The following SNX24 variants were observed in gnomAD, a reference collection of about 807,000 sequenced individuals.
SNX24 encodes sorting nexin-24.
Under a neutral mutation model 28.7 loss-of-function variants are expected in SNX24, and 22 were observed. The ratio of observed to expected loss-of-function variants is 0.77; its 90% CI spans 0.55 to 1.10. The LOEUF (loss-of-function observed/expected upper bound fraction) is 1.10, where lower values mean the gene tolerates loss of function less well. Ranked by LOEUF, SNX24 falls within the 50% of genes least tolerant of loss-of-function variation. SNX24 has a pLI of 0.00. For synonymous variants in SNX24, 69 were observed against 71.5 expected (o/e 0.96, Z 0.18); for missense variants, 221 against 201.1 (o/e 1.10, Z -0.60).
chr5:122,908,169 A>T (rs1757729413), intron 1 of SNX24, among the ~76,000 whole-genome samples: 1 of 152,234 alleles, frequency 6.6e-6, no homozygotes, highest in Non-Finnish European at 1.5e-5. Flanking sequence ...CGGGGAGCAA[A>T]ATGTCATCAC....
chr5:122,856,525 C>CTTTTT (rs1184957460), intron 1 of SNX24, among the ~76,000 whole-genome samples: 2 of 131,582 alleles, frequency 1.5e-5, no homozygotes, highest in South Asian at 2.5e-4. Context: ...AGTTCTGTGT[C>CTTTTT]TTTTTTTTTT....
At chr5:122,891,714 A>G (rs559100776) in intron 1 of SNX24, among the ~76,000 whole-genome samples, 2 of 152,328 alleles carry the variant, frequency 1.3e-5, no homozygotes, top group Admixed American at 1.3e-4. Context: ...GGTCTGATTT[A>G]CTTATGTAGA....
intron 1 of SNX24, chr5:122,853,530 C>T (rs1481527449): frequency 8.0e-6 from 2 of 251,466 alleles, no homozygotes; most frequent in South Asian, 8.1e-5. Context: ...AAAATAGGCA[C>T]AAGAGGATTG....
chr5:122,863,974 A>G (rs576126592), intron 1 of SNX24, among the ~76,000 whole-genome samples: 1 of 152,324 alleles, frequency 6.6e-6, no homozygotes, highest in East Asian at 1.9e-4. Flanking sequence ...GACATGATTC[A>G]GTATTTATTG....
At chr5:123,023,380 G>A in intron 5 of SNX24, 1 of 152,180 alleles carries the variant, frequency 6.6e-6, no homozygotes, top group East Asian at 1.9e-4. Context: ...CTTGCAAAAA[G>A]AGTTGATCTA....
At chr5:123,023,951 AGTGGACG>A in intron 5 of SNX24, 1 of 1,614,124 alleles carries the variant, frequency 6.2e-7, no homozygotes, top group Middle Eastern at 1.7e-4. Flanking sequence ...GCAGTTGGTG[AGTGGACG>A]GTCATGCCCA....
intron 1 of SNX24, among the ~76,000 whole-genome samples, chr5:122,893,041 C>G (rs1328749015): frequency 2.6e-5 from 4 of 152,100 alleles, no homozygotes; most frequent in Non-Finnish European, 4.4e-5. Flanking sequence ...GCTGGGATTA[C>G]AGGCATGAGC....
At position 122,907,069 on chromosome 5, in the gene SNX24, A is replaced by T. The variant is rs980838084; in HGVS notation, c.61-29665A>T. 1.6e-4 allele frequency among the ~76,000 whole-genome samples: 25 copies of T among 152,114 alleles called. 1 individual carries two copies. The highest frequency in any genetic ancestry group is 9.8e-4 in the Admixed American group (15 of 15,268). On this transcript the variant is annotated intron_variant, in intron 1 of 6. Transcript: ENST00000261369. ...GTTATTCCCTTTTCACTTATCTTTT[A>T]ATCCTACGTCATTTTCTCCACCACC...
intron 3 of SNX24, among the ~76,000 whole-genome samples, chr5:122,954,401 A>T (rs1229100008): frequency 6.6e-6 from 1 of 151,930 alleles, no homozygotes; most frequent in African/African-American, 2.4e-5. Flanking sequence ...AAAATTTCCC[A>T]CTTAAATTTC....
At chr5:122,965,619 A>T (rs1760685349) in intron 3 of SNX24, 3 of 306,002 alleles carry the variant, frequency 9.8e-6, no homozygotes, top group African/African-American at 2.2e-5. Flanking sequence ...GACGAAATGG[A>T]TGGGGATGGC....
At chr5:122,911,221 G>T (rs1326624794) in intron 1 of SNX24, among the ~76,000 whole-genome samples, 9 of 152,220 alleles carry the variant, frequency 5.9e-5, no homozygotes, top group Admixed American at 5.2e-4. Flanking sequence ...GATGGCCAGT[G>T]ATGATGAGCA....
At chr5:122,846,955 G>T (rs1251168073) in intron 1 of SNX24, among the ~76,000 whole-genome samples, 1 of 149,814 alleles carries the variant, frequency 6.7e-6, no homozygotes, top group Non-Finnish European at 1.5e-5. Context: ...GTTTGTTCAA[G>T]GCTTTTTTTT....
At chr5:122,894,775 A>G (rs1313501371) in intron 1 of SNX24, among the ~76,000 whole-genome samples, 1 of 152,234 alleles carries the variant, frequency 6.6e-6, no homozygotes, top group Admixed American at 6.5e-5. Flanking sequence ...AGTACCTAGT[A>G]GGTAAGTATA....
intron 1 of SNX24, among the ~76,000 whole-genome samples, chr5:122,890,288 A>G (rs943199949): frequency 6.6e-6 from 1 of 152,016 alleles, no homozygotes; most frequent in Admixed American, 6.6e-5. Context: ...ATAATTATTA[A>G]CTAACACTTG....
In SNX24 at chr5:122,907,866, G is replaced by T. The variant is rs143467032; in HGVS notation, c.61-28868G>T. Among the ~76,000 whole-genome samples, 334 of 151,764 alleles carry T rather than the reference G, an allele frequency of 2.2e-3. 1 individual carries two copies. The highest frequency in any genetic ancestry group is 7.9e-3 in the African/African-American group (326 of 41,422). On this transcript the variant is annotated intron_variant, in intron 1 of 6. Transcript: ENST00000261369. Reference sequence around the variant, plus strand: ...AATTTCAATTTAAAAGTATAACTGGGCAGTTATAGCTCACTGAATGGTAAT... The same window carrying T: ...AATTTCAATTTAAAAGTATAACTGGTCAGTTATAGCTCACTGAATGGTAAT...
intron 1 of SNX24, among the ~76,000 whole-genome samples, chr5:122,932,858 C>CAAAAAA (rs57930558): frequency 1.1e-5 from 1 of 88,016 alleles, no homozygotes; most frequent in Non-Finnish European, 2.2e-5. Context: ...GACTCTGTCT[C>CAAAAAA]AAAAAAAAAA....
At chr5:122,988,780 C>T (rs552151214) in intron 3 of SNX24, among the ~76,000 whole-genome samples, 2 of 152,240 alleles carry the variant, frequency 1.3e-5, no homozygotes, top group South Asian at 4.1e-4. Flanking sequence ...TTCTTGATTT[C>T]TTTACTGTCC....
chr5:122,873,853 C>T (rs1363371249), intron 1 of SNX24, among the ~76,000 whole-genome samples: 5 of 151,204 alleles, frequency 3.3e-5, no homozygotes, highest in African/African-American at 1.2e-4. Flanking sequence ...GCAACTTCCA[C>T]CTCCCAAGTT....
At chr5:123,005,605 T>G (rs531219910) in intron 6 of SNX24, among the ~76,000 whole-genome samples, 1 of 152,364 alleles carries the variant, frequency 6.6e-6, no homozygotes, top group African/African-American at 2.4e-5. Flanking sequence ...ATACTTACAA[T>G]GTAATTTCAC....
Sources: allele counts gnomAD v4.1 joint callset (sites outside exome capture counted in the v4.1 genomes callset), GRCh38; gene constraint gnomAD v4.1.1; transcripts MANE v1.5; gene names NCBI Gene and HGNC (gene_info 2026-07-23, HGNC 2026-07-21).